Variants in SYT17 observed in about 807,000 individuals in gnomAD.
The protein encoded by SYT17 is synaptotagmin-17.
In SYT17, 22 loss-of-function variants were observed where a neutral mutation model predicts 46.7. That is an observed-to-expected ratio of 0.47 (90% CI 0.34 to 0.67). SYT17 has a LOEUF of 0.67. Among genes scored for constraint, SYT17 ranks in the 30% least tolerant of loss-of-function variants. The pLI is 0.01. For missense variants in SYT17, 519 were observed against 612.8 expected (o/e 0.85, Z 1.62); for synonymous variants, 251 against 248.4 (o/e 1.01, Z -0.10).
At chr16:19,190,714 T>C (rs1964977820) in intron 5 of SYT17, among the ~76,000 whole-genome samples, 1 of 152,090 alleles carries the variant, frequency 6.6e-6, no homozygotes, top group Non-Finnish European at 1.5e-5. Flanking sequence ...TTCATCTGTG[T>C]TGTAGCATGA....
chr16:19,225,049 T>C (rs887415063), intron 7 of SYT17, among the ~76,000 whole-genome samples: 2 of 152,210 alleles, frequency 1.3e-5, no homozygotes, highest in African/African-American at 4.8e-5. Flanking sequence ...TTGAGCCAAA[T>C]TTCCTCAGAC....
At chr16:19,172,716 G>A (rs539792035) in intron 1 of SYT17, 44 bp from the exon 2 acceptor site, 40 of 1,607,392 alleles carry the variant, frequency 2.5e-5, no homozygotes, top group African/African-American at 1.1e-4. Context: ...TAACCCCTTC[G>A]TTCCCTTACG....
chr16:19,173,431 G>C lies in SYT17; in HGVS notation c.35G>C (p.Gly12Ala), dbSNP rs1475095681. 1 of 1,582,680 alleles carries C rather than the reference G, an allele frequency of 6.3e-7. No individual in the cohort carries two copies. Among genetic ancestry groups the C allele is most frequent in the African/African-American group, 1.4e-5 (1 of 72,388 alleles). Reference protein sequence around the residue: ...AYIQLEPLNEGFLSRISGLLL... With the variant: ...AYIQLEPLNEAFLSRISGLLL... Reference sequence around the variant, plus strand: ...GCCCACCTCCCCCAATGGCCTCAGGGTTTTCTTTCTAGAATCTCTGGTCTG... The same window carrying C: ...GCCCACCTCCCCCAATGGCCTCAGGCTTTTCTTTCTAGAATCTCTGGTCTG... Residue 12 changes from glycine (G) to alanine (A), a missense_variant and splice_region_variant, in exon 3 of 8, where the codon GGT becomes GCT. Transcript: ENST00000355377.
chr16:19,231,599 C>T (rs1966693125), intron 7 of SYT17, among the ~76,000 whole-genome samples: 1 of 151,040 alleles, frequency 6.6e-6, no homozygotes, highest in South Asian at 2.1e-4. Flanking sequence ...AAGAGGCGGC[C>T]CTTGGCTAAG....
rs950422795 is a variant in SYT17, at chr16:19,249,886, G to A, written c.1229-16994G>A. The A allele has an allele frequency of 9.2e-6, 14 of 1,523,906 alleles. No individual in the cohort carries two copies. The African/African-American group carries it at 1.5e-4, about 17-fold the overall frequency. 94.4% of individuals were successfully genotyped at this position (1,523,906 alleles called of 1,614,324 possible). ...TCCATACTTTCATCCAGGTCGTCTT[G>A]TCTTGCTCACTCCCTTGTCCCCAGC... On this transcript the variant is annotated intron_variant, in intron 7 of 7. Transcript: ENST00000355377.
At chr16:19,175,758 G>A (rs1378547118) in intron 3 of SYT17, among the ~76,000 whole-genome samples, 1 of 152,092 alleles carries the variant, frequency 6.6e-6, no homozygotes, top group East Asian at 1.9e-4. Context: ...CATGTGGGCA[G>A]GGAGTTTTGC....
chr16:19,261,865 C>T (rs753946686), intron 7 of SYT17, among the ~76,000 whole-genome samples: 7 of 152,082 alleles, frequency 4.6e-5, no homozygotes, highest in African/African-American at 9.7e-5. Flanking sequence ...GTATTATTAT[C>T]TCAGAAGTTA....
chr16:19,264,747 A>G (rs376651339), intron 7 of SYT17, among the ~76,000 whole-genome samples: 1 of 151,914 alleles, frequency 6.6e-6, no homozygotes, highest in African/African-American at 2.4e-5. Flanking sequence ...ACACACCACT[A>G]TGTCTGGCTG....
Position 19,267,176 on chromosome 16 carries a change from G to A in SYT17, c.*100G>A, listed in dbSNP as rs535251393. The A allele has an allele frequency of 1.5e-5, 16 of 1,066,118 alleles. No individual in the cohort carries two copies. In the East Asian group the frequency reaches 2.6e-4, roughly 17 times the overall value. 66.0% of individuals were successfully genotyped at this position (1,066,118 alleles called of 1,614,324 possible). A position where few individuals can be genotyped will look rare whatever the true frequency, so the allele number is the denominator to read the frequency against. On this transcript the variant is annotated 3_prime_UTR_variant, in exon 8 of 8. Coordinates refer to ENST00000355377, the MANE Select transcript of SYT17 (RefSeq NM_016524.4). ...TACATCCACACCTGCATACACACTC[G>A]CAACATGTCTACACACGTCCACACA...
chr16:19,199,607 A>T (rs1253924288), intron 5 of SYT17, among the ~76,000 whole-genome samples: 1 of 152,148 alleles, frequency 6.6e-6, no homozygotes, highest in Non-Finnish European at 1.5e-5. Flanking sequence ...ATGTTGGTGC[A>T]CACCTATAGT....
In SYT17 at chr16:19,168,358, T is replaced by G. The variant is rs112301431; in HGVS notation, c.-289T>G. The G allele has an allele frequency of 0.099, 47,905 of 484,296 alleles. 4,621 individuals carry two copies. The highest frequency in any genetic ancestry group is 0.37 in the African/African-American group (17,859 of 48,164). The allele number at this position is 484,296 out of a possible 1,614,324, so 30.0% of individuals were successfully genotyped here. A position where few individuals can be genotyped will look rare whatever the true frequency, so the allele number is the denominator to read the frequency against. ...TATTCCAGCCTGGGGAGCGCCTCGGTGGGGAGCACGGGACAGCGAGGGAGG... is the reference window on the plus strand; with the variant it reads ...TATTCCAGCCTGGGGAGCGCCTCGGGGGGGAGCACGGGACAGCGAGGGAGG... On this transcript the variant is annotated 5_prime_UTR_variant, in exon 1 of 8. Transcript: ENST00000355377. This position sits in a 1 kb window ranked among gnomAD's most constrained non-coding sequence, Gnocchi z 6.9.
intron 7 of SYT17, among the ~76,000 whole-genome samples, chr16:19,263,640 C>CAAAAAAAAAAAAAAAAAAAAA (rs1157288423): frequency 2.5e-5 from 1 of 39,240 alleles, no homozygotes; most frequent in African/African-American, 7.5e-5. Flanking sequence ...AATTACAACT[C>CAAAAAAAAAAAAAAAAAAAAA]AAAAAAAAAA....
intron 5 of SYT17, among the ~76,000 whole-genome samples, chr16:19,205,556 C>G (rs1965636766): frequency 6.6e-6 from 1 of 152,152 alleles, no homozygotes; most frequent in African/African-American, 2.4e-5. Context: ...TCTCGTGCCT[C>G]AGCCTCCTGA....
intron 2 of SYT17, 172 bp from the exon 3 acceptor site, chr16:19,173,258 G>C: frequency 3.6e-6 from 2 of 552,558 alleles, no homozygotes; most frequent in Admixed American, 7.1e-5. Context: ...AATAGAAATG[G>C]AAAACATTTT....
chr16:19,184,780 G>A (rs1342805611), intron 5 of SYT17, among the ~76,000 whole-genome samples: 1 of 152,124 alleles, frequency 6.6e-6, no homozygotes. Context: ...TGATTGCACA[G>A]GGTATAAAGC....
chr16:19,180,428 G>T lies in SYT17; in HGVS notation c.220G>T (p.Val74Phe). The change falls in exon 4 of 8, where the codon GTC (valine) becomes TTC (phenylalanine). Residue 74 changes from valine to phenylalanine, a missense_variant. Transcript: ENST00000355377. ...GAGCAGTGACAAGGATGGTGACTCTGTCCACACGGCCAGCGAAGTCCCGCT... is the reference window on the plus strand; with the variant it reads ...GAGCAGTGACAAGGATGGTGACTCTTTCCACACGGCCAGCGAAGTCCCGCT... ...SRSSDKDGDS[V>F]HTASEVPLTP... 1 of 1,614,190 alleles carries T rather than the reference G, an allele frequency of 6.2e-7. No individual in the cohort carries two copies. The highest frequency in any genetic ancestry group is 8.5e-7 in the Non-Finnish European group (1 of 1,180,032).
At chr16:19,189,996 C>T (rs73532728) in intron 5 of SYT17, among the ~76,000 whole-genome samples, 1 of 152,126 alleles carries the variant, frequency 6.6e-6, no homozygotes, top group East Asian at 1.9e-4. Flanking sequence ...GGAGCTATGG[C>T]ATTTTTGGGG....
intron 5 of SYT17, among the ~76,000 whole-genome samples, chr16:19,185,941 A>C (rs915569704): frequency 1.3e-5 from 2 of 152,040 alleles, no homozygotes; most frequent in Non-Finnish European, 2.9e-5. Flanking sequence ...AGAGGCGGGG[A>C]GTGTTCCCGT....
intron 5 of SYT17, among the ~76,000 whole-genome samples, chr16:19,186,845 C>T (rs1277315269): frequency 6.6e-6 from 1 of 152,054 alleles, no homozygotes; most frequent in Non-Finnish European, 1.5e-5. Flanking sequence ...TTCTGTTTCT[C>T]TTGAGGTCCT....
Sources: gnomAD v4.1 joint callset for allele counts (sites outside exome capture counted in the v4.1 genomes callset) on GRCh38, gnomAD v4.1.1 for gene constraint, Gnocchi (gnomAD v3.1) non-coding constraint, MANE v1.5 for transcripts, NCBI Gene and HGNC (gene_info 2026-07-23, HGNC 2026-07-21) for gene names.